The following CATSPER2 variants were observed in gnomAD, a reference collection of about 807,000 sequenced individuals.
CATSPER2 encodes the protein cation channel sperm associated 2, also known as cation channel sperm-associated protein 2.
CATSPER2 carries 56 observed loss-of-function variants against 68.8 expected under a neutral mutation model. The observed-to-expected ratio is 0.81, with a 90% CI of 0.66 to 1.02. CATSPER2 has a LOEUF of 1.02. Among genes scored for constraint, CATSPER2 ranks in the 50% least tolerant of loss-of-function variants. CATSPER2 has a pLI of 0.00. For synonymous variants in CATSPER2, 198 were observed against 229.9 expected (o/e 0.86, Z 1.26); for missense variants, 582 against 642.0 (o/e 0.91, Z 1.01).
At chr15:43,645,859 A>G (rs1408603899) in intron 4 of CATSPER2, among the ~76,000 whole-genome samples, 1 of 151,974 alleles carries the variant, frequency 6.6e-6, no homozygotes, top group Non-Finnish European at 1.5e-5. Flanking sequence ...TCCTTTCATC[A>G]TTTCTGAGCA....
At chr15:43,644,465 T>A (rs1263681371) in intron 4 of CATSPER2, among the ~76,000 whole-genome samples, 1 of 151,940 alleles carries the variant, frequency 6.6e-6, no homozygotes, top group Non-Finnish European at 1.5e-5. Context: ...AGTGCTATTC[T>A]ATTTTGATTT....
intron 7 of CATSPER2, chr15:43,637,496 C>A (rs2085984731): frequency 6.6e-6 from 1 of 151,820 alleles, no homozygotes; most frequent in Non-Finnish European, 1.5e-5. Context: ...AATACTCTTA[C>A]AAAACTATCT....
In CATSPER2 at chr15:43,647,090, G is replaced by C. The variant is rs1311152713; in HGVS notation, c.348C>G (p.Phe116Leu). Residue 116 changes from phenylalanine to leucine, a missense_variant, in exon 4 of 13, where the codon TTC (phenylalanine) becomes TTG (leucine). Transcript: ENST00000396879. ...ATATGATCGTATTCAAAAAGACCAG[G>C]AAGATGATGAAGTTTTTGAAGAGAG... ...ECPLFKNFII[F>L]LVFLNTIILM... is the part of the protein sequence containing the mutation. The C allele has an allele frequency of 6.2e-7, 1 of 1,612,976 alleles. No individual in the cohort carries two copies.
At chr15:43,644,016 T>C (rs907666018) in intron 4 of CATSPER2, among the ~76,000 whole-genome samples, 3 of 151,986 alleles carry the variant, frequency 2.0e-5, no homozygotes, top group Non-Finnish European at 4.4e-5. Flanking sequence ...TACACTTGCA[T>C]TGTGTTATTT....
At chr15:43,646,284 T>C (rs2086161875) in intron 4 of CATSPER2, among the ~76,000 whole-genome samples, 1 of 143,614 alleles carries the variant, frequency 7.0e-6, no homozygotes, top group Non-Finnish European at 1.5e-5. Context: ...CCTCCAAATA[T>C]TAATATTTCT....
At chr15:43,632,505 A>T in intron 11 of CATSPER2, 142 bp from the exon 12 acceptor site, 2 of 1,400,692 alleles carry the variant, frequency 1.4e-6, no homozygotes, top group Non-Finnish European at 2.0e-6. Context: ...TCAGTAAGAA[A>T]CCACTTTTTA....
At chr15:43,638,792 T>C in intron 7 of CATSPER2, 112 bp downstream of exon 7, 1 of 1,286,498 alleles carries the variant, frequency 7.8e-7, no homozygotes, top group Non-Finnish European at 1.1e-6. Context: ...TTGTGTTCTA[T>C]TTCAGTTTCT....
rs892149753 is a variant in CATSPER2 at position 43,642,159 on chromosome 15, G to C, written c.389-1663C>G. On this transcript the variant is annotated intron_variant, in intron 4 of 12. Transcript: ENST00000396879. Reference sequence around the variant, plus strand: ...TCTGTTGCCAAGATGGAGTGCAGTGGTGCAATCTCAGCTCACTGCAACCTC... The same window carrying C: ...TCTGTTGCCAAGATGGAGTGCAGTGCTGCAATCTCAGCTCACTGCAACCTC... Among the ~76,000 whole-genome samples the C allele has an allele frequency of 1.5e-4, 22 of 151,560 alleles. No homozygotes were observed. The East Asian group carries it at 3.5e-3, about 24-fold the overall frequency.
chr15:43,632,313 C>G lies in CATSPER2; in HGVS notation c.1447G>C (p.Glu483Gln), dbSNP rs750840707. Residue 483 changes from glutamate to glutamine, a missense_variant, in exon 12 of 13, where the codon GAA becomes CAA. Glu to Gln is a conservative substitution (Grantham distance 29). Coordinates refer to ENST00000396879, the MANE Select transcript of CATSPER2 (RefSeq NM_172095.4). ...CAAACACGGTCATCCTGATCCATTT[C>G]CATTAGCCCGGGCAGATTTTCGTGC... ...LVHENLPGLM[E>Q]MDQDDRVWPR... The G allele has an allele frequency of 1.1e-5, 17 of 1,613,572 alleles. No individual in the cohort carries two copies. The highest frequency in any genetic ancestry group is 4.0e-5 in the African/African-American group (3 of 74,778).
intron 10 of CATSPER2, chr15:43,634,730 TG>T (rs2085934331): frequency 6.5e-6 from 1 of 153,158 alleles, no homozygotes; most frequent in South Asian, 2.1e-4. Flanking sequence ...CTGCTTTTTT[TG>T]TCCACTGCTA....
intron 12 of CATSPER2, chr15:43,631,626 A>G: frequency 3.6e-6 from 1 of 274,816 alleles, no homozygotes; most frequent in South Asian, 3.8e-5. Context: ...TTCCCAGTTT[A>G]CATCAAACTC....
intron 11 of CATSPER2, 60 bp downstream of exon 11, chr15:43,632,657 T>A (rs2085895573): frequency 1.2e-6 from 2 of 1,610,582 alleles, no homozygotes; most frequent in Admixed American, 3.3e-5. Context: ...GACTAAGATG[T>A]CTTAAAGAGG....
intron 8 of CATSPER2, 88 bp from the exon 9 acceptor site, chr15:43,635,914 C>T: frequency 7.6e-7 from 1 of 1,319,712 alleles, no homozygotes; most frequent in South Asian, 1.2e-5. Context: ...AGTGAAATAT[C>T]CAATCCAGAA....
At chr15:43,640,574 A>G in intron 4 of CATSPER2, 78 bp from the exon 5 acceptor site, 1 of 1,596,092 alleles carries the variant, frequency 6.3e-7, no homozygotes, top group East Asian at 2.2e-5. Context: ...ACACTTATAA[A>G]CCACAGTTTT....
rs998574843 is a variant in CATSPER2 at position 43,631,172 on chromosome 15, G to A, written c.1562-440C>T. On this transcript the variant is annotated intron_variant, in intron 12 of 12. Coordinates refer to ENST00000396879, the MANE Select transcript of CATSPER2 (RefSeq NM_172095.4). ...TTCAAACTGAGTTGATTTCAACTAGGTATGAGGGGAAAAACCCAGATAACA... is the reference window on the plus strand; with the variant it reads ...TTCAAACTGAGTTGATTTCAACTAGATATGAGGGGAAAAACCCAGATAACA... Among the ~76,000 whole-genome samples, 12 of 152,036 alleles carry A rather than the reference G, an allele frequency of 7.9e-5. 1 individual carries two copies. The highest frequency in any genetic ancestry group is 4.2e-4 in the South Asian group (2 of 4,792).
At chr15:43,645,272 T>C (rs1195184515) in intron 4 of CATSPER2, among the ~76,000 whole-genome samples, 4 of 151,260 alleles carry the variant, frequency 2.6e-5, no homozygotes, top group Non-Finnish European at 5.9e-5. Context: ...GCCAGGCTGG[T>C]CTCAAACTCC....
chr15:43,638,223 G>C (rs2086000115), intron 7 of CATSPER2, among the ~76,000 whole-genome samples: 1 of 150,108 alleles, frequency 6.7e-6, no homozygotes, highest in Admixed American at 6.6e-5. Context: ...GAAACTGCTG[G>C]GATTATAGGC....
intron 7 of CATSPER2, 146 bp from the exon 8 acceptor site, chr15:43,636,365 TA>T: frequency 8.8e-7 from 1 of 1,134,082 alleles, no homozygotes. Context: ...AGTTTTTAGC[TA>T]ATCATTCTAT....
intron 4 of CATSPER2, among the ~76,000 whole-genome samples, chr15:43,642,101 G>GT (rs1455393609): frequency 8.2e-6 from 1 of 121,592 alleles, no homozygotes; most frequent in Non-Finnish European, 1.6e-5. Context: ...AAATTAGGAT[G>GT]CTTTTTTTTT....
Sources: gnomAD v4.1 joint callset for allele counts (sites outside exome capture counted in the v4.1 genomes callset) on GRCh38, gnomAD v4.1.1 for gene constraint, MANE v1.5 for transcripts, NCBI Gene and HGNC (gene_info 2026-07-23, HGNC 2026-07-21) for gene names.